Variants in CACNB4 observed in about 807,000 individuals in gnomAD.
The protein encoded by CACNB4 is voltage-dependent L-type calcium channel subunit beta-4.
CACNB4 carries 32 observed loss-of-function variants against 71.2 expected under a neutral mutation model. The observed-to-expected ratio is 0.45, with a 90% CI of 0.34 to 0.60. The LOEUF (loss-of-function observed/expected upper bound fraction) is 0.60. CACNB4 is among the 20% of genes least tolerant of loss of function. The pLI, the probability that CACNB4 is intolerant of heterozygous loss-of-function variation, is 0.01. For synonymous variants in CACNB4, 231 were observed against 236.9 expected (o/e 0.97, Z 0.23); for missense variants, 464 against 647.9 (o/e 0.72, Z 3.08).
intron 2 of CACNB4, chr2:151,973,603 G>GA (rs569962222): frequency 3.7e-5 from 52 of 1,423,174 alleles, no homozygotes; most frequent in Non-Finnish European, 4.8e-5. Flanking sequence ...AAGCGGGGGG[G>GA]TGGAGGGGAT....
chr2:152,081,159 G>T (rs1687335567), intron 2 of CACNB4, among the ~76,000 whole-genome samples: 1 of 152,160 alleles, frequency 6.6e-6, no homozygotes, highest in Non-Finnish European at 1.5e-5. Context: ...AATAAAGCAG[G>T]ATATAAATAT....
chr2:151,897,111 G>A (rs969525253), intron 2 of CACNB4, among the ~76,000 whole-genome samples: 2 of 152,208 alleles, frequency 1.3e-5, no homozygotes, highest in Non-Finnish European at 2.9e-5. Context: ...GAGAATGCTA[G>A]GTTCTCTCCA....
In CACNB4 at chr2:152,098,700, G is replaced by A. The variant is rs1355356231; in HGVS notation, c.63+249C>T. 6 of 1,559,340 alleles carry A rather than the reference G, an allele frequency of 3.8e-6. No individual in the cohort carries two copies. In the African/African-American group the frequency reaches 6.8e-5, roughly 18 times the overall value. ...TCCGAGTCCCCGGCATCCGCTGGGG[G>A]AGGCTGCGGGCTCCGGAGCGGGAGC... is the stretch of plus-strand genomic sequence containing the variant. On this transcript the variant is annotated intron_variant, in intron 1 of 13. Transcript: ENST00000539935. This position sits in a 1 kb window ranked among gnomAD's most constrained non-coding sequence, Gnocchi z 5.3.
chr2:151,954,939 C>T (rs1250756740), intron 2 of CACNB4, among the ~76,000 whole-genome samples: 15 of 148,778 alleles, frequency 1.0e-4, no homozygotes, highest in Non-Finnish European at 1.9e-4. Context: ...CTGCAAGCTC[C>T]GCCTCCCAGG....
At chr2:151,950,989 G>A (rs1442981893) in intron 2 of CACNB4, among the ~76,000 whole-genome samples, 1 of 152,114 alleles carries the variant, frequency 6.6e-6, no homozygotes, top group Non-Finnish European at 1.5e-5. Context: ...CCTGGCTGGA[G>A]GCTGGAGTGC....
At chr2:151,977,067 G>A (rs1203728331) in intron 2 of CACNB4, among the ~76,000 whole-genome samples, 1 of 152,154 alleles carries the variant, frequency 6.6e-6, no homozygotes, top group Non-Finnish European at 1.5e-5. Flanking sequence ...AGGTTACAGT[G>A]AGAACAAGTT....
At position 151,895,096 on chromosome 2, in the gene CACNB4, C is replaced by CACACA. The variant is rs1559950684; in HGVS notation, c.148-11727_148-11726insTGTGT. On this transcript the variant is annotated intron_variant, in intron 2 of 13. Transcript: ENST00000539935. ...ATATGGAACCAGAACTCAAATAGCCCCACACACACACACACACACACACAC... is the reference window on the plus strand; with the variant it reads ...ATATGGAACCAGAACTCAAATAGCCCACACACACACACACACACACACACACACAC... Among the ~76,000 whole-genome samples, 21 of 22,334 alleles carry CACACA rather than the reference C, an allele frequency of 9.4e-4. 1 individual carries two copies. The highest frequency in any genetic ancestry group is 1.2e-3 in the African/African-American group (20 of 16,230). The allele number at this position is 22,334 out of a possible 152,430, so 14.7% of individuals were successfully genotyped here.
At chr2:152,004,772 C>T (rs1262663579) in intron 2 of CACNB4, among the ~76,000 whole-genome samples, 1 of 152,212 alleles carries the variant, frequency 6.6e-6, no homozygotes, top group Non-Finnish European at 1.5e-5. Context: ...GAGTCAGAGG[C>T]ACTGTGGCAA....
At chr2:152,009,402 G>A (rs886157788) in intron 2 of CACNB4, among the ~76,000 whole-genome samples, 1 of 152,078 alleles carries the variant, frequency 6.6e-6, no homozygotes, top group Non-Finnish European at 1.5e-5. Flanking sequence ...TTAGGTAAAA[G>A]GTAGGGAAAT....
At chr2:151,920,322 T>TTC (rs1410444081) in intron 2 of CACNB4, among the ~76,000 whole-genome samples, 1 of 140,426 alleles carries the variant, frequency 7.1e-6, no homozygotes, top group Non-Finnish European at 1.6e-5. Flanking sequence ...CTTCTTCTTT[T>TTC]TTTTTTTTTT....
chr2:151,841,831 C>G, intron 13 of CACNB4, 72 bp downstream of exon 13: 2 of 1,290,920 alleles, frequency 1.5e-6, no homozygotes, highest in Non-Finnish European at 2.2e-6. Context: ...ACTCCAGTCT[C>G]CATCCTAATC....
chr2:151,975,925 A>G (rs1306234729), intron 2 of CACNB4, among the ~76,000 whole-genome samples: 4 of 152,200 alleles, frequency 2.6e-5, no homozygotes, highest in South Asian at 4.1e-4. Flanking sequence ...CACTTTCACA[A>G]TTCACCAAGA....
intron 8 of CACNB4, chr2:151,869,932 TCCA>T (rs1416757563): frequency 4.4e-5 from 19 of 431,404 alleles, no homozygotes; most frequent in Non-Finnish European, 7.8e-5. Context: ...TATTTTTTAA[TCCA>T]AGCTAGCACA....
intron 2 of CACNB4, among the ~76,000 whole-genome samples, chr2:151,938,706 T>C (rs1272309102): frequency 4.6e-5 from 7 of 152,248 alleles, no homozygotes; most frequent in Non-Finnish European, 1.0e-4. Flanking sequence ...ACTGCTATTC[T>C]TCGTCTCCTC....
chr2:152,000,870 G>A lies in CACNB4; in HGVS notation c.147+97460C>T, dbSNP rs184229803. ...GCGGAGGATGTGCAGAAAAGTGCGC[G>A]GGCTCTTGAGCCAGCGCAGATGTGG... On this transcript the variant is annotated intron_variant, in intron 2 of 13. Transcript: ENST00000539935. Among the ~76,000 whole-genome samples the A allele has an allele frequency of 1.4e-3, 207 of 152,212 alleles. 2 individuals are homozygous for A. Among genetic ancestry groups the A allele is most frequent in the African/African-American group, 4.4e-3 (182 of 41,534 alleles).
chr2:152,056,551 A>T (rs1416122944), intron 2 of CACNB4, among the ~76,000 whole-genome samples: 1 of 152,046 alleles, frequency 6.6e-6, no homozygotes, highest in East Asian at 1.9e-4. Flanking sequence ...TGCTGCTCAC[A>T]CGGGAAGACC....
intron 2 of CACNB4, among the ~76,000 whole-genome samples, chr2:151,939,826 G>C (rs554130677): frequency 1.3e-5 from 2 of 151,920 alleles, no homozygotes; most frequent in East Asian, 3.9e-4. Context: ...AAAGTTCTTG[G>C]GAAAGCAAAA....
intron 2 of CACNB4, among the ~76,000 whole-genome samples, chr2:151,893,917 GA>G (rs1395021067): frequency 3.0e-4 from 45 of 152,144 alleles, no homozygotes; most frequent in African/African-American, 8.2e-4. Context: ...ATTAATATGA[GA>G]AAGGAGTAAA....
At chr2:152,053,635 C>A (rs1267703325) in intron 2 of CACNB4, among the ~76,000 whole-genome samples, 1 of 151,794 alleles carries the variant, frequency 6.6e-6, no homozygotes, top group African/African-American at 2.4e-5. Flanking sequence ...GAGATCCTCC[C>A]ACCTGAACCT....
Sources: allele counts gnomAD v4.1 joint callset (sites outside exome capture counted in the v4.1 genomes callset), GRCh38; gene constraint gnomAD v4.1.1; non-coding constraint Gnocchi (gnomAD v3.1); transcripts MANE v1.5; gene names NCBI Gene and HGNC (gene_info 2026-07-23, HGNC 2026-07-21).